Variants in WLS observed in about 807,000 individuals in gnomAD.
WLS encodes the protein Wnt ligand secretion mediator.
A neutral mutation model predicts 62.8 loss-of-function variants in WLS; 23 were observed. The observed-to-expected ratio is 0.37, with a 90% CI of 0.26 to 0.52. WLS has a LOEUF of 0.52. WLS is among the 20% of genes least tolerant of loss of function. The pLI, the probability that WLS is intolerant of heterozygous loss-of-function variation, is 0.92. For synonymous variants in WLS, 246 were observed against 244.1 expected (o/e 1.01, Z -0.07); for missense variants, 615 against 697.3 (o/e 0.88, Z 1.33).
At chr1:68,186,392 C>T in intron 2 of WLS, 1 of 324,780 alleles carries the variant, frequency 3.1e-6, no homozygotes, top group Non-Finnish European at 6.0e-6. Flanking sequence ...GATGAAAACA[C>T]TAACCAGATA....
At chr1:68,177,707 T>C (rs1007862559) in intron 2 of WLS, among the ~76,000 whole-genome samples, 6 of 152,174 alleles carry the variant, frequency 3.9e-5, no homozygotes, top group Admixed American at 3.3e-4. Context: ...TTGCTCAGGC[T>C]GGTCTCGAAC....
rs747655642 is a variant in WLS at position 68,145,928 on chromosome 1, T to C, written c.1219A>G (p.Ile407Val). ...CFMVFQVFRN[I>V]SGKQSSLPAM... Reference sequence around the variant, plus strand: ...GGCAGGCTGGACTGCTTCCCACTGATGTTCCGAAACACCTGAAATACCATG... The same window carrying C: ...GGCAGGCTGGACTGCTTCCCACTGACGTTCCGAAACACCTGAAATACCATG... Residue 407 changes from isoleucine (I) to valine (V), a missense_variant, in exon 9 of 12, where the codon ATC (isoleucine) becomes GTC (valine). By Grantham distance (29) the Ile-to-Val change is conservative. Transcript: ENST00000262348. The C allele has an allele frequency of 1.2e-6, 2 of 1,614,138 alleles. No individual in the cohort carries two copies. The highest frequency in any genetic ancestry group is 1.7e-6 in the Non-Finnish European group (2 of 1,180,026).
At chr1:68,223,130 A>G (rs1650008182) in intron 1 of WLS, among the ~76,000 whole-genome samples, 1 of 152,250 alleles carries the variant, frequency 6.6e-6, no homozygotes, top group African/African-American at 2.4e-5. Flanking sequence ...ACAGACTTAC[A>G]AAATGGCATA....
chr1:68,219,399 C>T (rs1649858081), intron 1 of WLS, among the ~76,000 whole-genome samples: 1 of 152,182 alleles, frequency 6.6e-6, no homozygotes, highest in Non-Finnish European at 1.5e-5. Flanking sequence ...CCCTTTCCAA[C>T]TCCAAAATTG....
intron 2 of WLS, among the ~76,000 whole-genome samples, chr1:68,190,301 T>C (rs1040685247): frequency 1.3e-5 from 2 of 152,226 alleles, no homozygotes; most frequent in African/African-American, 4.8e-5. Flanking sequence ...AAACTGTGAC[T>C]CCATTGAAAA....
At position 68,137,758 on chromosome 1, in the gene WLS, T is replaced by C. The variant is rs760293011; in HGVS notation, c.1516+22A>G. 5 of 1,612,106 alleles carry C rather than the reference T, an allele frequency of 3.1e-6. No individual in the cohort carries two copies. The Admixed American group carries it at 5.0e-5, about 16-fold the overall frequency. On this transcript the variant is annotated intron_variant, in intron 11 of 11. Transcript: ENST00000262348. Reference sequence around the variant, plus strand: ...AGCCTATTTATCCTGACTTAAGCTGTTCTAAAGAGACAGAAACTCACCATT... The same window carrying C: ...AGCCTATTTATCCTGACTTAAGCTGCTCTAAAGAGACAGAAACTCACCATT...
At chr1:68,211,448 C>G (rs1323191665) in intron 1 of WLS, among the ~76,000 whole-genome samples, 1 of 152,148 alleles carries the variant, frequency 6.6e-6, no homozygotes, top group African/African-American at 2.4e-5. Context: ...AGAATTTTCC[C>G]TATCGCCTCA....
chr1:68,209,324 C>T (rs1649412154), intron 1 of WLS, among the ~76,000 whole-genome samples: 1 of 152,174 alleles, frequency 6.6e-6, no homozygotes, highest in African/African-American at 2.4e-5. Flanking sequence ...ACAGAGATTC[C>T]AAGTTCTCAG....
chr1:68,209,175 A>G (rs1227389895), intron 1 of WLS, among the ~76,000 whole-genome samples: 1 of 152,158 alleles, frequency 6.6e-6, no homozygotes, highest in Non-Finnish European at 1.5e-5. Context: ...GTCTTCTCCA[A>G]ACATTGCCAA....
At chr1:68,209,670 C>T (rs548592244) in intron 1 of WLS, among the ~76,000 whole-genome samples, 1 of 152,262 alleles carries the variant, frequency 6.6e-6, no homozygotes, top group South Asian at 2.1e-4. Flanking sequence ...ATCCCAGCTA[C>T]TCAGGAGGCT....
intron 2 of WLS, among the ~76,000 whole-genome samples, chr1:68,174,995 G>C (rs1647212829): frequency 6.6e-6 from 1 of 152,120 alleles, no homozygotes; most frequent in Non-Finnish European, 1.5e-5. Flanking sequence ...AAAAGGAAAA[G>C]GCATTACATC....
intron 11 of WLS, among the ~76,000 whole-genome samples, chr1:68,132,432 G>C (rs1371466420): frequency 6.6e-6 from 1 of 152,166 alleles, no homozygotes; most frequent in Non-Finnish European, 1.5e-5. Flanking sequence ...GTCAATAAAA[G>C]GGGGCAACCA....
rs139949412 is a variant in WLS at position 68,223,829 on chromosome 1, A to G, written c.106+8365T>C. 7.7e-3 allele frequency among the ~76,000 whole-genome samples: 1,168 copies of G among 152,262 alleles called. 12 individuals are homozygous for G. The highest frequency in any genetic ancestry group is 0.027 in the African/African-American group (1,109 of 41,530). ...AGTCCTAGCCAAGTTTCTCTCCACT[A>G]AATGACGCTGCTTTGAGACCAGAAG... On this transcript the variant is annotated intron_variant, in intron 1 of 11. Coordinates refer to ENST00000262348, the MANE Select transcript of WLS (RefSeq NM_024911.7).
chr1:68,232,508 C>T lies in WLS; in HGVS notation c.-209G>A. 9.4e-7 allele frequency: 1 copy of T among 1,068,756 alleles called. No individual in the cohort carries two copies. Among genetic ancestry groups the T allele is most frequent in the Non-Finnish European group, 1.3e-6 (1 of 793,018 alleles). The allele number at this position is 1,068,756 out of a possible 1,614,324, so 66.2% of individuals were successfully genotyped here. A position where few individuals can be genotyped will look rare whatever the true frequency, so the allele number is the denominator to read the frequency against. ...CAGCCGGCTCGGGTTCCCCCAATGC[C>T]CGGAGCTGTGATTGTGGCCGCTCCG... On this transcript the variant is annotated 5_prime_UTR_variant, in exon 1 of 12. Coordinates refer to ENST00000262348, the MANE Select transcript of WLS (RefSeq NM_024911.7).
At chr1:68,116,085 T>G (rs1421747657) in intron 11 of WLS, among the ~76,000 whole-genome samples, 2 of 152,196 alleles carry the variant, frequency 1.3e-5, no homozygotes, top group African/African-American at 4.8e-5. Context: ...CCCTCATTTC[T>G]TCATTAACTT....
chr1:68,162,602 T>C (rs1646995014), intron 2 of WLS: 6 of 1,383,156 alleles, frequency 4.3e-6, no homozygotes, highest in Non-Finnish European at 5.1e-6. Context: ...TGCTCCATGC[T>C]CTGAACCCGT....
At position 68,177,826 on chromosome 1, in the gene WLS, G is replaced by A. The variant is rs547318400; in HGVS notation, c.379+16129C>T. 9.2e-5 allele frequency among the ~76,000 whole-genome samples: 14 copies of A among 152,250 alleles called. No individual in the cohort carries two copies. In the East Asian group the frequency reaches 2.5e-3, roughly 27 times the overall value. On this transcript the variant is annotated intron_variant, in intron 2 of 11. Coordinates refer to ENST00000262348, the MANE Select transcript of WLS (RefSeq NM_024911.7). ...CACTTATATTGAGCATTTACTATAT[G>A]TATCCAGCACTTACTATGTAAAAGC... is the stretch of plus-strand genomic sequence containing the variant.
intron 11 of WLS, among the ~76,000 whole-genome samples, chr1:68,102,312 T>C (rs75170441): frequency 3.3e-5 from 5 of 152,282 alleles, no homozygotes; most frequent in Non-Finnish European, 5.9e-5. Flanking sequence ...TGGAGAAGGG[T>C]CCTAAACAGC....
At chr1:68,128,108 C>T (rs902853260) in intron 11 of WLS, among the ~76,000 whole-genome samples, 1 of 152,160 alleles carries the variant, frequency 6.6e-6, no homozygotes, top group African/African-American at 2.4e-5. Flanking sequence ...GTCTAATCCA[C>T]AGGACTATGG....
Sources: allele counts gnomAD v4.1 joint callset (sites outside exome capture counted in the v4.1 genomes callset), GRCh38; gene constraint gnomAD v4.1.1; transcripts MANE v1.5; gene names NCBI Gene and HGNC (gene_info 2026-07-23, HGNC 2026-07-21).